The following CAST variants were observed in gnomAD, a reference collection of about 807,000 sequenced individuals.
The protein encoded by CAST is calpastatin.
CAST carries 76 observed loss-of-function variants against 119.6 expected under a neutral mutation model. That is an observed-to-expected ratio of 0.64 (90% CI 0.53 to 0.77). The LOEUF (loss-of-function observed/expected upper bound fraction) is 0.77. CAST is among the 30% of genes least tolerant of loss of function. The probability of loss-of-function intolerance (pLI) is 0.00; values close to 1 mark genes in which losing one functional copy is unlikely to be tolerated. For synonymous variants in CAST, 319 were observed against 331.6 expected (o/e 0.96, Z 0.41); for missense variants, 953 against 946.5 (o/e 1.01, Z -0.09).
intron 1 of CAST, among the ~76,000 whole-genome samples, chr5:96,588,598 C>T (rs191579879): frequency 1.3e-5 from 2 of 152,216 alleles, no homozygotes; most frequent in Admixed American, 1.3e-4. Flanking sequence ...TTTAAAGCTG[C>T]TTTTTACCAA....
intron 1 of CAST, among the ~76,000 whole-genome samples, chr5:96,654,197 T>C (rs962331980): frequency 1.3e-5 from 2 of 152,024 alleles, no homozygotes; most frequent in Non-Finnish European, 2.9e-5. Flanking sequence ...CTAAATTTTT[T>C]TGTATTTTTA....
intron 10 of CAST, 117 bp downstream of exon 10, chr5:96,736,357 A>G: frequency 1.7e-6 from 1 of 595,104 alleles, no homozygotes; most frequent in South Asian, 2.4e-5. Context: ...GGACCATTTT[A>G]ATGAATTATT....
chr5:96,363,957 T>C, the CAST span, among the ~76,000 whole-genome samples: 1 of 152,200 alleles, frequency 6.6e-6, no homozygotes, highest in Admixed American at 6.5e-5. Context: ...CAGTATGATA[T>C]TGGCTGTGGG....
the CAST span, among the ~76,000 whole-genome samples, chr5:96,231,990 C>T: frequency 6.6e-6 from 1 of 151,744 alleles, no homozygotes. Context: ...GAAAGGGGTG[C>T]CAATAGGTCC....
chr5:96,367,044 A>T, the CAST span, among the ~76,000 whole-genome samples: 5 of 152,098 alleles, frequency 3.3e-5, no homozygotes, highest in Non-Finnish European at 4.4e-5. Context: ...TTCCCTTCTA[A>T]CAGTCAGGAC....
chr5:96,192,655 G>A, the CAST span, among the ~76,000 whole-genome samples: 1 of 152,142 alleles, frequency 6.6e-6, no homozygotes, highest in East Asian at 1.9e-4. Flanking sequence ...TCTTTTTATG[G>A]GATGATTATA....
the CAST span, among the ~76,000 whole-genome samples, chr5:96,013,841 A>G: frequency 1.2e-3 from 184 of 152,296 alleles, no homozygotes; most frequent in South Asian, 2.1e-3. Flanking sequence ...ATGAACCACA[A>G]TAAGACTGAA....
the CAST span, among the ~76,000 whole-genome samples, chr5:96,276,916 G>C: frequency 6.6e-6 from 1 of 152,062 alleles, no homozygotes; most frequent in African/African-American, 2.4e-5. Context: ...TTTGTGCTTT[G>C]AAAGTTTACA....
At chr5:96,624,491 G>A (rs1454351722) in intron 1 of CAST, among the ~76,000 whole-genome samples, 1 of 152,164 alleles carries the variant, frequency 6.6e-6, no homozygotes, top group Non-Finnish European at 1.5e-5. Flanking sequence ...TGAATGTTAG[G>A]AATATTTTTC....
the CAST span, among the ~76,000 whole-genome samples, chr5:96,385,296 C>T: frequency 6.6e-6 from 1 of 152,090 alleles, no homozygotes; most frequent in African/African-American, 2.4e-5. Flanking sequence ...GTTGGGGTTT[C>T]CAAAATTTGA....
the CAST span, among the ~76,000 whole-genome samples, chr5:96,291,090 T>C: frequency 6.6e-6 from 1 of 152,208 alleles, no homozygotes; most frequent in Non-Finnish European, 1.5e-5. Flanking sequence ...GCCATGTGAA[T>C]GAATCATCTT....
intron 1 of CAST, chr5:96,663,098 C>T: frequency 1.4e-6 from 1 of 702,402 alleles, no homozygotes. Flanking sequence ...CCCTCGCCGG[C>T]TCCCCCGCCG....
At chr5:96,094,519 G>C in the CAST span, among the ~76,000 whole-genome samples, 8 of 151,600 alleles carry the variant, frequency 5.3e-5, no homozygotes, top group Non-Finnish European at 1.2e-4. Flanking sequence ...GATACACTTA[G>C]AAGAGAGCTG....
chr5:96,156,819 C>T, the CAST span, among the ~76,000 whole-genome samples: 1 of 152,232 alleles, frequency 6.6e-6, no homozygotes, highest in African/African-American at 2.4e-5. Flanking sequence ...TCAAAGTTCC[C>T]CCAGGGGGCA....
chr5:96,500,270 C>T, the CAST span, among the ~76,000 whole-genome samples: 1 of 152,230 alleles, frequency 6.6e-6, no homozygotes, highest in Admixed American at 6.5e-5. Flanking sequence ...TTGCCATAAA[C>T]CTTCAATTTG....
chr5:96,192,645 T>C, the CAST span, among the ~76,000 whole-genome samples: 1 of 152,240 alleles, frequency 6.6e-6, no homozygotes, highest in Admixed American at 6.5e-5. Context: ...CAGTGGGGCC[T>C]CTTTTTATGG....
At chr5:96,740,885 C>T (rs1762524303) in intron 13 of CAST, 102 bp downstream of exon 13, 1 of 783,416 alleles carries the variant, frequency 1.3e-6, no homozygotes, top group Non-Finnish European at 2.2e-6. Flanking sequence ...TGACTTAACT[C>T]ATCTCCAAAT....
chr5:96,745,204 G>A (rs772487569), intron 16 of CAST, among the ~76,000 whole-genome samples: 16 of 152,106 alleles, frequency 1.1e-4, no homozygotes, highest in Admixed American at 7.9e-4. Flanking sequence ...GAAATAGAGC[G>A]TGACTGGAAA....
chr5:96,127,104 T>G, the CAST span, among the ~76,000 whole-genome samples: 1 of 152,108 alleles, frequency 6.6e-6, no homozygotes, highest in East Asian at 1.9e-4. Context: ...AACTTAGCAT[T>G]ATTATCAAAA....
Sources: allele counts gnomAD v4.1 joint callset (sites outside exome capture counted in the v4.1 genomes callset), GRCh38; gene constraint gnomAD v4.1.1; transcripts MANE v1.5; gene names NCBI Gene and HGNC (gene_info 2026-07-23, HGNC 2026-07-21).